PTPRT: variants seen among roughly 807,000 people sequenced by gnomAD.
PTPRT encodes receptor-type tyrosine-protein phosphatase T.
In PTPRT, 56 loss-of-function variants were observed where a neutral mutation model predicts 176.8. That is an observed-to-expected ratio of 0.32 (90% CI 0.26 to 0.40). PTPRT has a LOEUF of 0.40. Ranked by LOEUF, PTPRT falls within the 10% of genes least tolerant of loss-of-function variation. The pLI, the probability that PTPRT is intolerant of heterozygous loss-of-function variation, is 1.00. For synonymous variants in PTPRT, 783 were observed against 739.0 expected (o/e 1.06, Z -0.96); for missense variants, 1,540 against 1,908.2 (o/e 0.81, Z 3.60).
At chr20:42,099,109 G>A (rs1985600411) in intron 26 of PTPRT, among the ~76,000 whole-genome samples, 2 of 152,232 alleles carry the variant, frequency 1.3e-5, no homozygotes, top group Admixed American at 1.3e-4. Context: ...GGTAGACCTG[G>A]GGTTCAAGTA....
chr20:42,151,250 G>A (rs756787356), intron 17 of PTPRT, among the ~76,000 whole-genome samples: 17 of 151,836 alleles, frequency 1.1e-4, no homozygotes, highest in Non-Finnish European at 2.1e-4. Flanking sequence ...CTATCATCTA[G>A]GTTTCAAGCC....
chr20:42,299,293 A>G (rs1333823256), intron 12 of PTPRT, among the ~76,000 whole-genome samples: 1 of 152,246 alleles, frequency 6.6e-6, no homozygotes, highest in Non-Finnish European at 1.5e-5. Flanking sequence ...AATTAAAAAC[A>G]AAGAGTCATA....
At chr20:42,410,183 A>C (rs1334841515) in intron 9 of PTPRT, among the ~76,000 whole-genome samples, 2 of 152,114 alleles carry the variant, frequency 1.3e-5, no homozygotes, top group Non-Finnish European at 2.9e-5. Context: ...ATTGGTGAAA[A>C]AAGCATACCA....
chr20:43,150,353 C>A (rs1306742929), intron 1 of PTPRT, among the ~76,000 whole-genome samples: 1 of 152,246 alleles, frequency 6.6e-6, no homozygotes, highest in Non-Finnish European at 1.5e-5. Flanking sequence ...GTCTCCATCC[C>A]CACCTAATAC....
At chr20:42,704,920 A>C (rs1226926178) in intron 6 of PTPRT, among the ~76,000 whole-genome samples, 1 of 152,104 alleles carries the variant, frequency 6.6e-6, no homozygotes, top group Non-Finnish European at 1.5e-5. Context: ...AAATAATAAC[A>C]TGCGGCCGGG....
chr20:42,613,461 G>A (rs2074008747), intron 7 of PTPRT, among the ~76,000 whole-genome samples: 1 of 152,214 alleles, frequency 6.6e-6, no homozygotes, highest in Admixed American at 6.5e-5. Flanking sequence ...GACACACACA[G>A]CTTAGGTAAC....
At chr20:42,672,336 G>A (rs907526761) in intron 7 of PTPRT, among the ~76,000 whole-genome samples, 7 of 152,158 alleles carry the variant, frequency 4.6e-5, no homozygotes, top group Admixed American at 6.5e-5. Context: ...TCCTGTCCTT[G>A]TACATCAGAC....
intron 9 of PTPRT, among the ~76,000 whole-genome samples, chr20:42,392,515 A>C (rs914393150): frequency 2.6e-5 from 4 of 152,200 alleles, no homozygotes; most frequent in African/African-American, 9.6e-5. Context: ...CCATTTTGCA[A>C]TGACCTACAG....
At chr20:43,051,109 G>A (rs962100704) in intron 1 of PTPRT, among the ~76,000 whole-genome samples, 1 of 152,212 alleles carries the variant, frequency 6.6e-6, no homozygotes, top group Non-Finnish European at 1.5e-5. Flanking sequence ...ATATGGAGAG[G>A]TGGAGAGAGG....
chr20:42,943,900 T>A (rs1382136608), intron 1 of PTPRT, among the ~76,000 whole-genome samples: 1 of 152,090 alleles, frequency 6.6e-6, no homozygotes, highest in African/African-American at 2.4e-5. Flanking sequence ...ATGCCTGCAG[T>A]CCCAGCTACT....
intron 14 of PTPRT, among the ~76,000 whole-genome samples, chr20:42,244,807 C>G (rs111304873): frequency 2.0e-5 from 3 of 152,316 alleles, no homozygotes; most frequent in African/African-American, 7.2e-5. Context: ...ACACTTTCAA[C>G]TATTGAGACA....
chr20:42,895,604 C>T (rs1282713481), intron 1 of PTPRT, among the ~76,000 whole-genome samples: 1 of 152,180 alleles, frequency 6.6e-6, no homozygotes, highest in African/African-American at 2.4e-5. Context: ...CACATGTTCC[C>T]TGTCACTAGT....
intron 19 of PTPRT, among the ~76,000 whole-genome samples, chr20:42,126,757 T>A (rs6072631): frequency 0.013 from 1,963 of 152,322 alleles, 15 homozygotes; most frequent in Non-Finnish European, 0.018. Flanking sequence ...GTATTTCCCA[T>A]ACACAGTGGA....
chr20:42,881,904 T>C (rs1010571043), intron 2 of PTPRT, among the ~76,000 whole-genome samples: 2 of 151,740 alleles, frequency 1.3e-5, no homozygotes, highest in Non-Finnish European at 2.9e-5. Flanking sequence ...ACACCAGGTA[T>C]GAGAGAGGAG....
At chr20:42,405,326 A>G (rs922316269) in intron 9 of PTPRT, among the ~76,000 whole-genome samples, 2 of 151,804 alleles carry the variant, frequency 1.3e-5, no homozygotes, top group African/African-American at 4.8e-5. Context: ...ATATCTCCTA[A>G]TGCTTTCCCT....
intron 1 of PTPRT, among the ~76,000 whole-genome samples, chr20:43,107,570 G>A (rs1229230641): frequency 1.3e-5 from 2 of 152,196 alleles, no homozygotes; most frequent in African/African-American, 4.8e-5. Context: ...CAGCCTCCTG[G>A]TTAATGTCTC....
At chr20:42,806,825 T>C (rs1051683341) in intron 2 of PTPRT, among the ~76,000 whole-genome samples, 3 of 152,172 alleles carry the variant, frequency 2.0e-5, no homozygotes, top group African/African-American at 7.2e-5. Context: ...TCAATCAATG[T>C]TAGCCATTAT....
At position 42,134,686 on chromosome 20, in the gene PTPRT, G is replaced by A. The variant is rs1490697489; in HGVS notation, c.2771-5856C>T. 7.2e-5 allele frequency among the ~76,000 whole-genome samples: 11 copies of A among 152,268 alleles called. 1 individual carries two copies. The highest frequency in any genetic ancestry group is 4.2e-4 in the South Asian group (2 of 4,814). Reference sequence around the variant, plus strand: ...AAAAAGGCCCTGATCAGTAATGTCTGCTGATTTCTGTGGTGTAAATACTCC... The same window carrying A: ...AAAAAGGCCCTGATCAGTAATGTCTACTGATTTCTGTGGTGTAAATACTCC... On this transcript the variant is annotated intron_variant, in intron 18 of 30. Coordinates refer to ENST00000373187, the MANE Select transcript of PTPRT (RefSeq NM_007050.6).
intron 1 of PTPRT, among the ~76,000 whole-genome samples, chr20:43,083,304 T>G (rs1286614211): frequency 1.1e-5 from 1 of 91,280 alleles, no homozygotes. Flanking sequence ...TACCATAAGA[T>G]TCACCCACTT....
Sources: allele counts gnomAD v4.1 joint callset (sites outside exome capture counted in the v4.1 genomes callset), GRCh38; gene constraint gnomAD v4.1.1; transcripts MANE v1.5; gene names NCBI Gene and HGNC (gene_info 2026-07-23, HGNC 2026-07-21).